The following LMO7 variants were observed in gnomAD, a reference collection of about 807,000 sequenced individuals.
The protein encoded by LMO7 is LIM domain only protein 7.
In LMO7, 120 loss-of-function variants were observed where a neutral mutation model predicts 206.5. That is an observed-to-expected ratio of 0.58 (90% CI 0.50 to 0.68). The LOEUF is 0.68. LMO7 is among the 30% of genes least tolerant of loss of function. The probability of loss-of-function intolerance (pLI) is 0.00; values close to 1 mark genes in which losing one functional copy is unlikely to be tolerated. For missense variants in LMO7, 1,959 were observed against 1,957.9 expected, an observed-to-expected ratio of 1.00 and a Z score of -0.01; for synonymous variants, 706 against 681.5, an observed-to-expected ratio of 1.04 and a Z score of -0.56.
intron 1 of LMO7, among the ~76,000 whole-genome samples, chr13:75,694,392 A>G (rs2041742588): frequency 6.6e-6 from 1 of 152,210 alleles, no homozygotes; most frequent in African/African-American, 2.4e-5. Flanking sequence ...GGTAGGTAGG[A>G]AGGCCTCACT....
intron 3 of LMO7, among the ~76,000 whole-genome samples, chr13:75,757,159 T>C (rs1191524861): frequency 6.6e-6 from 1 of 152,176 alleles, no homozygotes; most frequent in Non-Finnish European, 1.5e-5. Flanking sequence ...GATGTCCATT[T>C]GGTAAAGAAC....
intron 2 of LMO7, among the ~76,000 whole-genome samples, chr13:75,717,674 C>T (rs2043668177): frequency 1.3e-5 from 2 of 152,156 alleles, no homozygotes; most frequent in Non-Finnish European, 2.9e-5. Context: ...AGAACTTTGT[C>T]ACTTGTCATT....
intron 25 of LMO7, among the ~76,000 whole-genome samples, chr13:75,843,861 T>C (rs2059750654): frequency 1.3e-5 from 2 of 152,050 alleles, no homozygotes; most frequent in South Asian, 4.1e-4. Context: ...GACTTGTATC[T>C]ACAAGCAGCC....
chr13:75,645,636 G>A (rs147769540), intron 1 of LMO7, among the ~76,000 whole-genome samples: 95 of 152,298 alleles, frequency 6.2e-4, no homozygotes, highest in African/African-American at 1.4e-3. Flanking sequence ...ATAAGCAAAC[G>A]TATTGCCTCT....
chr13:75,714,384 T>C (rs1157639609), intron 2 of LMO7, among the ~76,000 whole-genome samples: 1 of 152,208 alleles, frequency 6.6e-6, no homozygotes, highest in Non-Finnish European at 1.5e-5. Context: ...TTTGTATATA[T>C]ACAAGTTGTT....
At chr13:75,643,458 G>T (rs1361798411) in intron 1 of LMO7, among the ~76,000 whole-genome samples, 2 of 152,170 alleles carry the variant, frequency 1.3e-5, no homozygotes, top group African/African-American at 4.8e-5. Context: ...CTGACAGAAT[G>T]TTCCCAAATA....
chr13:75,857,668 A>G (rs1030320359), intron 30 of LMO7: 2 of 320,358 alleles, frequency 6.2e-6, no homozygotes, highest in African/African-American at 2.1e-5. Context: ...TCTCTCCTCC[A>G]AAACAAATAA....
At chr13:75,700,670 C>G (rs1453069068) in intron 1 of LMO7, among the ~76,000 whole-genome samples, 1 of 152,214 alleles carries the variant, frequency 6.6e-6, no homozygotes, top group African/African-American at 2.4e-5. Flanking sequence ...GACTTGAACA[C>G]AAACACTGTG....
At chr13:75,795,522 T>A (rs1291092703) in intron 5 of LMO7, 91 bp downstream of exon 5, 4 of 845,478 alleles carry the variant, frequency 4.7e-6, no homozygotes, top group Admixed American at 2.5e-5. Flanking sequence ...ATACTCTACA[T>A]CTCTTTTCTA....
chr13:75,805,577 CAAG>C lies in LMO7; in HGVS notation c.1017_1019del (p.Arg339del), dbSNP rs1409992929. 1 of 1,614,038 alleles carries C rather than the reference CAAG, an allele frequency of 6.2e-7. No homozygotes were observed. ...TATTTGGAAGAGGAAAAAGCAAAGA[CAAG>C]AAGCATACCCAACATTGTAAAGGAT... On this transcript the variant is annotated inframe_deletion, in exon 9 of 31. Coordinates refer to ENST00000377534, the MANE Select transcript of LMO7 (RefSeq NM_001306080.2).
chr13:75,828,591 G>A (rs1206266993), intron 15 of LMO7, among the ~76,000 whole-genome samples: 1 of 152,192 alleles, frequency 6.6e-6, no homozygotes, highest in African/African-American at 2.4e-5. Flanking sequence ...GAACTGAAAT[G>A]TAGAGTTTGA....
rs529939117 is a variant in LMO7 at position 75,674,151 on chromosome 13, G to T, written c.69+37425G>T. ...CATTTATTCCTTGGAATATTTGTTT[G>T]CAAATTTAAATAGAGAACAATAGAA... On this transcript the variant is annotated intron_variant, in intron 1 of 30. Transcript: ENST00000377534. 7.2e-5 allele frequency among the ~76,000 whole-genome samples: 11 copies of T among 152,222 alleles called. No individual in the cohort carries two copies. The Middle Eastern group carries it at 0.02, about 282-fold the overall frequency.
intron 1 of LMO7, among the ~76,000 whole-genome samples, chr13:75,672,797 G>A (rs2039702566): frequency 8.2e-6 from 1 of 122,662 alleles, no homozygotes; most frequent in African/African-American, 2.7e-5. Flanking sequence ...ATATTTATCT[G>A]ATAAGTGGTT....
At chr13:75,683,536 G>A (rs370105007) in intron 1 of LMO7, among the ~76,000 whole-genome samples, 37 of 152,074 alleles carry the variant, frequency 2.4e-4, no homozygotes, top group African/African-American at 3.4e-4. Context: ...CAGCTATGCC[G>A]TTGTTCTCCA....
chr13:75,747,294 CTTT>C (rs1310642189), intron 3 of LMO7, among the ~76,000 whole-genome samples: 2 of 152,142 alleles, frequency 1.3e-5, no homozygotes, highest in African/African-American at 4.8e-5. Flanking sequence ...ATCCAGCTTA[CTTT>C]TCTTCTAAAT....
intron 12 of LMO7, 152 bp from the exon 13 acceptor site, chr13:75,819,241 C>T (rs913243375): frequency 3.3e-5 from 23 of 707,264 alleles, no homozygotes; most frequent in East Asian, 5.8e-5. Context: ...GGTACAGAAA[C>T]GCTGGCTATA....
At position 75,856,607 on chromosome 13, in the gene LMO7, A is replaced by G. The variant is rs759252000; in HGVS notation, c.4872A>G (p.Lys1624=). 3 of 1,578,884 alleles carry G rather than the reference A, an allele frequency of 1.9e-6. No homozygotes were observed. Among genetic ancestry groups the G allele is most frequent in the Non-Finnish European group, 2.6e-6 (3 of 1,148,130 alleles). The change falls in exon 30 of 31, where the codon AAA becomes AAG. Residue 1624 remains lysine, a splice_region_variant and synonymous_variant. Coordinates refer to ENST00000377534, the MANE Select transcript of LMO7 (RefSeq NM_001306080.2). ...GCAACGACTGCTATCTCAGATTCAA[A>G]TGTAAGAGAGCAAATCAGAGAGAAA... ...LYCNDCYLRF[K]SGRPTAM is the part of the protein sequence containing the mutation.
At chr13:75,742,307 G>T (rs1242586144) in intron 3 of LMO7, among the ~76,000 whole-genome samples, 1 of 152,036 alleles carries the variant, frequency 6.6e-6, no homozygotes, top group Non-Finnish European at 1.5e-5. Flanking sequence ...TAGCCATACT[G>T]CCCAAAGCAA....
chr13:75,730,422 T>G (rs1158251165), intron 3 of LMO7, among the ~76,000 whole-genome samples: 4 of 152,026 alleles, frequency 2.6e-5, no homozygotes, highest in Non-Finnish European at 2.9e-5. Context: ...GCGTAGAGGG[T>G]TTTGTAGTAT....
Sources: gnomAD v4.1 joint callset for allele counts (sites outside exome capture counted in the v4.1 genomes callset) on GRCh38, gnomAD v4.1.1 for gene constraint, MANE v1.5 for transcripts, NCBI Gene and HGNC (gene_info 2026-07-23, HGNC 2026-07-21) for gene names.